The following RFFL variants were observed in gnomAD, a reference collection of about 807,000 sequenced individuals.
The protein encoded by RFFL is ring finger and FYVE like domain containing E3 ubiquitin protein ligase.
RFFL carries 16 observed loss-of-function variants against 40.4 expected under a neutral mutation model. That is an observed-to-expected ratio of 0.40 (90% CI 0.27 to 0.60). RFFL has a LOEUF of 0.60. Ranked by LOEUF, RFFL falls within the 20% of genes least tolerant of loss-of-function variation. The probability of loss-of-function intolerance (pLI) is 0.47; values close to 1 mark genes in which losing one functional copy is unlikely to be tolerated. For synonymous variants in RFFL, 154 were observed against 167.9 expected (o/e 0.92, Z 0.64); for missense variants, 367 against 451.7 (o/e 0.81, Z 1.70).
In RFFL at chr17:35,016,413, T is replaced by C. The variant is rs750448440; in HGVS notation, c.843A>G (p.Arg281=). 6.2e-7 allele frequency: 1 copy of C among 1,614,142 alleles called. No homozygotes were observed. Among genetic ancestry groups the C allele is most frequent in the Non-Finnish European group, 8.5e-7 (1 of 1,180,000 alleles). ...TCTGATCCTTGTATAGCCGGGTCAC[T>C]CTCTCCATCAGCTCCCACTTCTCAC... ...GCCEKWELME[R]VTRLYKDQKG... is the part of the protein sequence containing the mutation. Residue 281 remains arginine, a synonymous_variant, in exon 5 of 7, where the codon AGA becomes AGG. Transcript: ENST00000394597.
chr17:35,014,703 G>C (rs764409403), intron 6 of RFFL, 37 bp downstream of exon 6: 2 of 1,598,646 alleles, frequency 1.3e-6, no homozygotes, highest in Non-Finnish European at 1.7e-6. Flanking sequence ...AGGACAAAAG[G>C]GCCTAAGCCC....
intron 1 of RFFL, among the ~76,000 whole-genome samples, chr17:35,079,901 T>C (rs528774759): frequency 1.3e-5 from 2 of 152,188 alleles, no homozygotes; most frequent in Non-Finnish European, 2.9e-5. Context: ...CATCAGTATA[T>C]GATAAGTAGA....
chr17:35,065,558 CAAAAAAA>C (rs947708350), upstream of RFFL, among the ~76,000 whole-genome samples: 6 of 51,122 alleles, frequency 1.2e-4, no homozygotes, highest in South Asian at 1.3e-3. Context: ...AACTTCGTCT[CAAAAAAA>C]AAAAAAAAAA....
At chr17:35,062,197 G>T (rs968377105) in intron 1 of RFFL, among the ~76,000 whole-genome samples, 2 of 151,964 alleles carry the variant, frequency 1.3e-5, no homozygotes, top group Non-Finnish European at 2.9e-5. Context: ...GAGGTCAAGA[G>T]ATCGAGACCA....
rs1316780969 is a variant in RFFL at position 35,007,873 on chromosome 17, T to TAACA, written c.*4091_*4094dup. 1.3e-5 allele frequency: 2 copies of TAACA among 152,078 alleles called. No homozygotes were observed. Among genetic ancestry groups the TAACA allele is most frequent in the African/African-American group, 2.4e-5 (1 of 41,390 alleles). The allele number at this position is 152,078 out of a possible 1,614,324, so 9.4% of individuals were successfully genotyped here. A position where few individuals can be genotyped will look rare whatever the true frequency, so the allele number is the denominator to read the frequency against. On this transcript the variant is annotated 3_prime_UTR_variant, in exon 7 of 7. Transcript: ENST00000394597. ...CTCAGCCTCCCAAGTGGCTAAGACT[T>TAACA]AACAAACAGGCACACACCATCACTC...
chr17:35,063,946 A>G (rs2091308257), upstream of RFFL: 1 of 152,108 alleles, frequency 6.6e-6, no homozygotes, highest in Admixed American at 6.6e-5. Flanking sequence ...TAACTTGGCC[A>G]CCTCCAGAGC....
intron 1 of RFFL, chr17:35,069,537 A>C (rs2091336476): frequency 3.0e-6 from 1 of 338,652 alleles, no homozygotes; most frequent in Admixed American, 4.0e-5. Context: ...TGAACTGTGT[A>C]CTTCAGTAGT....
chr17:35,012,412 C>T (rs1395577821), intron 6 of RFFL, among the ~76,000 whole-genome samples: 1 of 152,194 alleles, frequency 6.6e-6, no homozygotes, highest in Admixed American at 6.5e-5. Context: ...TCAGACACAT[C>T]CCAGAACATG....
At chr17:35,078,919 G>A (rs2091390586) in intron 1 of RFFL, among the ~76,000 whole-genome samples, 1 of 151,472 alleles carries the variant, frequency 6.6e-6, no homozygotes, top group Non-Finnish European at 1.5e-5. Context: ...GGCAGAGGTT[G>A]CAGTGAGCCA....
chr17:35,017,526 G>C lies in RFFL; in HGVS notation c.672C>G (p.Thr224=). Reference sequence around the variant, plus strand: ...CAGACCCAAGCAGAGGCCCCACCTGGGTCTCATCCTCAGCAGGTACTCTGG... The same window carrying C: ...CAGACCCAAGCAGAGGCCCCACCTGCGTCTCATCCTCAGCAGGTACTCTGG... ...SVARVPAEDE[T]QSIDSEDSFV... The change falls in exon 4 of 7, where the codon ACC becomes ACG. Residue 224 remains threonine, a synonymous_variant. Coordinates refer to ENST00000394597, the MANE Select transcript of RFFL (RefSeq NM_001017368.2). 1 of 1,606,434 alleles carries C rather than the reference G, an allele frequency of 6.2e-7. No homozygotes were observed. Among genetic ancestry groups the C allele is most frequent in the South Asian group, 1.1e-5 (1 of 89,886 alleles).
intron 1 of RFFL, among the ~76,000 whole-genome samples, chr17:35,078,879 C>T (rs899041700): frequency 1.3e-5 from 2 of 151,112 alleles, no homozygotes; most frequent in African/African-American, 2.4e-5. Flanking sequence ...ACTCAGGAGG[C>T]TAAGATGGGA....
At chr17:35,018,146 A>G (rs2090986043) in intron 3 of RFFL, among the ~76,000 whole-genome samples, 2 of 152,100 alleles carry the variant, frequency 1.3e-5, no homozygotes, top group Admixed American at 6.5e-5. Context: ...GATGGGACAA[A>G]GTTTCCAGAT....
chr17:35,007,446 C>G lies in RFFL; in HGVS notation c.*4522G>C, dbSNP rs1028037569. ...CCAGCAGAATGCTGGAGGCCTCCCTCTTCTGAACCTCTACATGCTGCTGGC... is the reference window on the plus strand; with the variant it reads ...CCAGCAGAATGCTGGAGGCCTCCCTGTTCTGAACCTCTACATGCTGCTGGC... On this transcript the variant is annotated 3_prime_UTR_variant, in exon 7 of 7. Transcript: ENST00000394597. 1 of 152,250 alleles carries G rather than the reference C, an allele frequency of 6.6e-6. No individual in the cohort carries two copies. Among genetic ancestry groups the G allele is most frequent in the African/African-American group, 2.4e-5 (1 of 41,460 alleles). The allele number at this position is 152,250 out of a possible 1,614,324, so 9.4% of individuals were successfully genotyped here.
intron 1 of RFFL, among the ~76,000 whole-genome samples, chr17:35,040,504 G>A (rs549937056): frequency 6.6e-6 from 1 of 151,692 alleles, no homozygotes; most frequent in Non-Finnish European, 1.5e-5. Flanking sequence ...TTGGGAGGCT[G>A]AGGTAGGAGA....
intron 2 of RFFL, 87 bp from the exon 3 acceptor site, chr17:35,021,868 C>G: frequency 1.6e-6 from 2 of 1,283,356 alleles, no homozygotes; most frequent in South Asian, 2.5e-5. Context: ...CTGCCAAGCC[C>G]AGCAGGATCT....
intron 1 of RFFL, among the ~76,000 whole-genome samples, chr17:35,081,216 G>A (rs1013446855): frequency 7.2e-5 from 11 of 152,210 alleles, no homozygotes; most frequent in African/African-American, 2.4e-4. Context: ...GAAATCAGTA[G>A]CCTGGTGAGT....
rs201252354 is a variant in RFFL, at chr17:35,026,407, G to A, written c.147C>T (p.Ser49=). 1.3e-4 allele frequency: 204 copies of A among 1,614,002 alleles called. No homozygotes were observed. In the East Asian group the frequency reaches 3.5e-3, roughly 28 times the overall value. Reference sequence around the variant, plus strand: ...CCGTGTTTGCAAAGTGAGCCCCACAGGACTTGCAGCTTGGTTCCAAGCCTG... The same window carrying A: ...CCGTGTTTGCAAAGTGAGCCCCACAAGACTTGCAGCTTGGTTCCAAGCCTG... ...SPTGLEPSCK[S]CGAHFANTAR... is the part of the protein sequence containing the mutation. Residue 49 remains serine, a synonymous_variant, in exon 2 of 7, where the codon TCC becomes TCT. Coordinates refer to ENST00000394597, the MANE Select transcript of RFFL (RefSeq NM_001017368.2).
chr17:35,020,766 G>C (rs912849856), intron 3 of RFFL, among the ~76,000 whole-genome samples: 2 of 152,026 alleles, frequency 1.3e-5, no homozygotes, highest in Non-Finnish European at 2.9e-5. Context: ...ATACTCCCCA[G>C]ACCTGGGTCA....
At chr17:35,026,671 C>A in intron 1 of RFFL, 110 bp from the exon 2 acceptor site, 1 of 790,764 alleles carries the variant, frequency 1.3e-6, no homozygotes, top group East Asian at 3.0e-5. Context: ...CGCATGCCAC[C>A]AAGGTGGAGG....
Sources: allele counts gnomAD v4.1 joint callset (sites outside exome capture counted in the v4.1 genomes callset), GRCh38; gene constraint gnomAD v4.1.1; transcripts MANE v1.5; gene names NCBI Gene and HGNC (gene_info 2026-07-23, HGNC 2026-07-21).